AIG1: variants seen among roughly 807,000 people sequenced by gnomAD.
The protein encoded by AIG1 is androgen-induced gene 1 protein.
In AIG1, 23 loss-of-function variants were observed where a neutral mutation model predicts 31.4. The ratio of observed to expected loss-of-function variants is 0.73; its 90% CI spans 0.53 to 1.04. The LOEUF is 1.04. AIG1 is among the 50% of genes least tolerant of loss of function. The probability of loss-of-function intolerance (pLI) is 0.00; values close to 1 mark genes in which losing one functional copy is unlikely to be tolerated. For synonymous variants in AIG1, 100 were observed against 110.5 expected, an observed-to-expected ratio of 0.90 and a Z score of 0.60; for missense variants, 274 against 295.0, an observed-to-expected ratio of 0.93 and a Z score of 0.52.
intron 3 of AIG1, among the ~76,000 whole-genome samples, chr6:143,259,541 G>A (rs1795602095): frequency 1.3e-5 from 2 of 152,128 alleles, no homozygotes; most frequent in South Asian, 4.1e-4. Flanking sequence ...ATATATGTAT[G>A]CCTTTCTTTT....
intron 4 of AIG1, among the ~76,000 whole-genome samples, chr6:143,285,059 A>T (rs7767467): frequency 0.095 from 14,458 of 152,002 alleles, 2,011 homozygotes; most frequent in African/African-American, 0.3. Context: ...AGCCCAAAGG[A>T]CTGGATAGTG....
At chr6:143,170,441 G>A (rs1015316342) in intron 3 of AIG1, among the ~76,000 whole-genome samples, 6 of 151,824 alleles carry the variant, frequency 4.0e-5, no homozygotes, top group South Asian at 2.1e-4. Flanking sequence ...GCTGTACCCC[G>A]GAGCTGTACC....
Position 143,334,151 on chromosome 6 carries a change from A to G in AIG1, c.679+706A>G. ...CTGTCCAAAGTGTATGTACAATAAC[A>G]TAAAAATTGAAAGGTGGAAAAAGCG... is the stretch of plus-strand genomic sequence containing the variant. On this transcript the variant is annotated intron_variant, in intron 5 of 5. Transcript: ENST00000357847. This position sits in a 1 kb window ranked among gnomAD's most constrained non-coding sequence, Gnocchi z 5.1. 1.3e-6 allele frequency: 2 copies of G among 1,521,826 alleles called. No individual in the cohort carries two copies. Among genetic ancestry groups the G allele is most frequent in the Non-Finnish European group, 1.8e-6 (2 of 1,127,848 alleles). The allele number at this position is 1,521,826 out of a possible 1,614,324, so 94.3% of individuals were successfully genotyped here. A position where few individuals can be genotyped will look rare whatever the true frequency, so the allele number is the denominator to read the frequency against.
chr6:143,059,585 G>A (rs58909579), upstream of AIG1, among the ~76,000 whole-genome samples: 5,890 of 152,170 alleles, frequency 0.039, 154 homozygotes, highest in African/African-American at 0.067. Context: ...TCTGACATCA[G>A]TTCTATTAGC....
chr6:143,322,203 A>G (rs530564475), intron 4 of AIG1, among the ~76,000 whole-genome samples: 136 of 152,200 alleles, frequency 8.9e-4, no homozygotes, highest in Non-Finnish European at 1.5e-3. Context: ...GGAAGACATT[A>G]TCATGGCTGG....
chr6:143,069,158 G>A (rs1777009386), intron 1 of AIG1, among the ~76,000 whole-genome samples: 1 of 151,946 alleles, frequency 6.6e-6, no homozygotes, highest in Admixed American at 6.6e-5. Context: ...GGGATTACAG[G>A]TGCATGCCGC....
chr6:143,264,646 A>G (rs1239747271), intron 3 of AIG1, among the ~76,000 whole-genome samples: 1 of 152,198 alleles, frequency 6.6e-6, no homozygotes, highest in Non-Finnish European at 1.5e-5. Context: ...CCAGTTGGAA[A>G]TTGGCACTGA....
intron 1 of AIG1, among the ~76,000 whole-genome samples, chr6:143,102,471 T>A (rs796846052): frequency 1.5e-3 from 217 of 146,872 alleles, no homozygotes; most frequent in African/African-American, 3.5e-3. Flanking sequence ...TATATATATA[T>A]AAAATATAAT....
chr6:143,081,269 A>G (rs746353562), intron 1 of AIG1, among the ~76,000 whole-genome samples: 3 of 152,060 alleles, frequency 2.0e-5, no homozygotes, highest in Non-Finnish European at 4.4e-5. Flanking sequence ...AGTGTAAGTG[A>G]TATTGTATAC....
At chr6:143,070,408 A>G (rs72988563) in intron 1 of AIG1, among the ~76,000 whole-genome samples, 31 of 152,090 alleles carry the variant, frequency 2.0e-4, no homozygotes, top group Non-Finnish European at 3.8e-4. Flanking sequence ...GTTTATACCT[A>G]TTTTATTTTT....
chr6:143,184,119 C>T (rs567346622), intron 3 of AIG1, among the ~76,000 whole-genome samples: 3 of 152,200 alleles, frequency 2.0e-5, no homozygotes, highest in Non-Finnish European at 4.4e-5. Flanking sequence ...CTTAAATCAC[C>T]TCGACAGTAT....
chr6:143,215,385 ACT>A (rs1347733333), intron 3 of AIG1, among the ~76,000 whole-genome samples: 3 of 151,962 alleles, frequency 2.0e-5, no homozygotes, highest in Non-Finnish European at 4.4e-5. Flanking sequence ...AGAACAATAG[ACT>A]CTTATTTTTA....
intron 1 of AIG1, among the ~76,000 whole-genome samples, chr6:143,128,100 T>C (rs1187601206): frequency 1.3e-5 from 2 of 152,226 alleles, no homozygotes; most frequent in African/African-American, 4.8e-5. Context: ...AATGAATTTG[T>C]CCTATATTAC....
intron 2 of AIG1, among the ~76,000 whole-genome samples, chr6:143,161,493 A>G (rs937294922): frequency 2.6e-5 from 4 of 151,736 alleles, no homozygotes; most frequent in African/African-American, 4.8e-5. Flanking sequence ...AATTCTTTGC[A>G]AAGTATCAGC....
intron 3 of AIG1, chr6:143,189,622 A>C (rs568724673): frequency 1.0e-6 from 1 of 985,344 alleles, no homozygotes; most frequent in Admixed American, 6.1e-5. Flanking sequence ...TTACCCTACT[A>C]TCTTTTTTGA....
rs117119237 is a variant in AIG1 at position 143,232,068 on chromosome 6, A to G, written c.400-52042A>G. Reference sequence around the variant, plus strand: ...CTTTGCCACCTTTGAAAGATTTTATATAGATCAGATTTGAGGTTTTGAAAG... The same window carrying G: ...CTTTGCCACCTTTGAAAGATTTTATGTAGATCAGATTTGAGGTTTTGAAAG... On this transcript the variant is annotated intron_variant, in intron 3 of 5. Transcript: ENST00000357847. Among the ~76,000 whole-genome samples the G allele has an allele frequency of 2.1e-4, 32 of 152,338 alleles. No individual in the cohort carries two copies. In the East Asian group the frequency reaches 3.9e-3, roughly 18 times the overall value.
rs1795943066 is a variant in AIG1, at chr6:143,263,383, T to A, written c.400-20727T>A. 2.6e-5 allele frequency among the ~76,000 whole-genome samples: 4 copies of A among 152,088 alleles called. No homozygotes were observed. The South Asian group carries it at 8.3e-4, about 32-fold the overall frequency. On this transcript the variant is annotated intron_variant, in intron 3 of 5. Transcript: ENST00000357847. ...CGATTTGCCCTTTCTCCTGCTCATC[T>A]GCTCAGCTTATTATAAGCCCTGCCC...
At position 143,338,966 on chromosome 6, in the gene AIG1, A is replaced by G. The variant is rs1238876044; in HGVS notation, c.680-673A>G. The G allele has an allele frequency of 6.6e-6, 1 of 152,176 alleles. No individual in the cohort carries two copies. The allele number at this position is 152,176 out of a possible 1,614,324, so 9.4% of individuals were successfully genotyped here. The stretch of plus-strand genomic sequence containing the variant: ...ATGATGAACATTTTCATCTTCAGGA[A>G]CATGAAACATCATCGACTATTCTCT... On this transcript the variant is annotated intron_variant, in intron 5 of 5. Transcript: ENST00000357847. This position sits in a 1 kb window ranked among gnomAD's most constrained non-coding sequence, Gnocchi z 4.3.
intron 1 of AIG1, among the ~76,000 whole-genome samples, chr6:143,079,747 C>T (rs188256081): frequency 2.4e-4 from 36 of 149,676 alleles, no homozygotes; most frequent in Admixed American, 1.3e-3. Flanking sequence ...AATCTTTACA[C>T]ACATCTGTGA....
Sources: allele counts gnomAD v4.1 joint callset (sites outside exome capture counted in the v4.1 genomes callset), GRCh38; gene constraint gnomAD v4.1.1; non-coding constraint Gnocchi (gnomAD v3.1); transcripts MANE v1.5; gene names NCBI Gene and HGNC (gene_info 2026-07-23, HGNC 2026-07-21).